Variants in MTAP observed in about 807,000 individuals in gnomAD.
MTAP encodes methylthioadenosine phosphorylase.
Under a neutral mutation model 33.6 loss-of-function variants are expected in MTAP, and 33 were observed. The observed-to-expected ratio is 0.98, with a 90% CI of 0.74 to 1.31. MTAP has a LOEUF of 1.31. Ranked by LOEUF, MTAP falls within the 40% of genes most tolerant of loss-of-function variation. The probability of loss-of-function intolerance (pLI) is 0.00; values close to 1 mark genes in which losing one functional copy is unlikely to be tolerated. For missense variants in MTAP, 367 were observed against 360.0 expected, an observed-to-expected ratio of 1.02 and a Z score of -0.16; for synonymous variants, 148 against 125.7, an observed-to-expected ratio of 1.18 and a Z score of -1.19.
At chr9:21,899,647 T>C (rs1818356604) in intron 1 of MTAP, among the ~76,000 whole-genome samples, 1 of 150,154 alleles carries the variant, frequency 6.7e-6, no homozygotes. Context: ...CAGATGCTTA[T>C]AAAACCATCA....
intron 1 of MTAP, among the ~76,000 whole-genome samples, chr9:21,878,892 T>C (rs1416356824): frequency 2.0e-5 from 3 of 152,236 alleles, no homozygotes; most frequent in Admixed American, 6.5e-5. Context: ...TCTTGACTTA[T>C]ATTTTTATTG....
At chr9:21,815,322 A>G in intron 1 of MTAP, 111 bp from the exon 2 acceptor site, 2 of 652,186 alleles carry the variant, frequency 3.1e-6, no homozygotes, top group Non-Finnish European at 5.0e-6. Flanking sequence ...AAAAATAACT[A>G]GGGCTTGGCA....
rs2118256186 is a variant in MTAP at position 21,832,689 on chromosome 9, G to A, written c.348-5219G>A. ...TTCTTACGTTCTGTTCCATAACCTA[G>A]TTGTGTTATTAACTTCCCATCATAC... On this transcript the variant is annotated intron_variant, in intron 4 of 7. Coordinates refer to ENST00000644715, the MANE Select transcript of MTAP (RefSeq NM_002451.4). Among the ~76,000 whole-genome samples, 10 of 152,226 alleles carry A rather than the reference G, an allele frequency of 6.6e-5. 1 individual carries two copies. In the South Asian group the frequency reaches 2.1e-3, roughly 32 times the overall value.
At chr9:21,934,188 T>C (rs1034303437), downstream of MTAP, 3 of 152,224 alleles carry the variant, frequency 2.0e-5, no homozygotes, top group African/African-American at 7.2e-5. This position sits in a 1 kb window ranked among gnomAD's most constrained non-coding sequence, Gnocchi z 5.0. Flanking sequence ...TTGCCTTATT[T>C]GAACACAGTT....
intron 6 of MTAP, chr9:21,856,002 A>T (rs972245959): frequency 1.0e-4 from 20 of 198,114 alleles, no homozygotes; most frequent in African/African-American, 4.7e-4. Flanking sequence ...CAATTTGATC[A>T]AATCAGAATC....
chr9:21,849,776 G>A (rs907264390), intron 5 of MTAP, among the ~76,000 whole-genome samples: 10 of 152,230 alleles, frequency 6.6e-5, no homozygotes, highest in Admixed American at 6.5e-4. Flanking sequence ...TGGGTCTTGG[G>A]GAGAATGACA....
At chr9:21,882,236 G>T (rs1218199098) in intron 1 of MTAP, among the ~76,000 whole-genome samples, 2 of 151,792 alleles carry the variant, frequency 1.3e-5, no homozygotes, top group Non-Finnish European at 2.9e-5. Flanking sequence ...AACTGTAAAG[G>T]AAGGAAAACC....
chr9:21,883,207 A>T (rs1452272163), intron 1 of MTAP, among the ~76,000 whole-genome samples: 1 of 152,096 alleles, frequency 6.6e-6, no homozygotes, highest in Non-Finnish European at 1.5e-5. Flanking sequence ...AATCAATTAG[A>T]AAAGGGAGTA....
chr9:21,929,101 C>G (rs1272437237), intron 1 of MTAP, among the ~76,000 whole-genome samples: 1 of 151,996 alleles, frequency 6.6e-6, no homozygotes, highest in Non-Finnish European at 1.5e-5. Context: ...CTTCACTGCT[C>G]CAGTATCTAT....
At chr9:21,831,050 G>T (rs1824954052) in intron 4 of MTAP, among the ~76,000 whole-genome samples, 1 of 152,058 alleles carries the variant, frequency 6.6e-6, no homozygotes, top group Non-Finnish European at 1.5e-5. Flanking sequence ...CTGTACTTGT[G>T]GTACATGGGC....
chr9:21,930,982 A>G (rs375858089), intron 1 of MTAP: 4 of 752,430 alleles, frequency 5.3e-6, no homozygotes, highest in Non-Finnish European at 9.7e-6. Flanking sequence ...TAATAACCCA[A>G]TTTGTCTCCT....
chr9:21,862,273 C>CG lies in MTAP; in HGVS notation c.*259_*260insG. 1.3e-6 allele frequency: 1 copy of CG among 753,442 alleles called. No individual in the cohort carries two copies. 46.7% of individuals were successfully genotyped at this position (753,442 alleles called of 1,614,324 possible). Reference sequence around the variant, plus strand: ...TTACATTTTAAGGGGGAAAAAAAAACCCACCATTCTCTTCTCCCCCTATTA... The same window carrying CG: ...TTACATTTTAAGGGGGAAAAAAAAACGCCACCATTCTCTTCTCCCCCTATTA... On this transcript the variant is annotated 3_prime_UTR_variant, in exon 8 of 8. Transcript: ENST00000644715.
At chr9:21,835,664 G>T (rs567463425) in intron 4 of MTAP, among the ~76,000 whole-genome samples, 1 of 152,052 alleles carries the variant, frequency 6.6e-6, no homozygotes, top group Non-Finnish European at 1.5e-5. Context: ...AGGAGGACTG[G>T]TGCTATTAAA....
intron 5 of MTAP, among the ~76,000 whole-genome samples, chr9:21,840,276 C>G (rs114661275): frequency 6.6e-6 from 1 of 151,482 alleles, no homozygotes; most frequent in Non-Finnish European, 1.5e-5. Flanking sequence ...TCCACAAGGA[C>G]GGACAGAATA....
At chr9:21,826,522 TC>T (rs1824806782) in intron 4 of MTAP, among the ~76,000 whole-genome samples, 2 of 151,818 alleles carry the variant, frequency 1.3e-5, no homozygotes, top group South Asian at 4.2e-4. Flanking sequence ...CAAGGATCCT[TC>T]CTTCTGCATC....
At position 21,815,536 on chromosome 9, in the gene MTAP, T is replaced by C. The variant is rs1273456546; in HGVS notation, c.120+17T>C. Reference sequence around the variant, plus strand: ...TTTGGCAAGGTTAATATCCAACTTGTGGAGACATGTTTTTTAGTTTTTTCA... The same window carrying C: ...TTTGGCAAGGTTAATATCCAACTTGCGGAGACATGTTTTTTAGTTTTTTCA... On this transcript the variant is annotated intron_variant, in intron 2 of 7. Transcript: ENST00000644715. 1 of 1,505,138 alleles carries C rather than the reference T, an allele frequency of 6.6e-7. No individual in the cohort carries two copies. The highest frequency in any genetic ancestry group is 2.3e-5 in the East Asian group (1 of 44,316). The allele number at this position is 1,505,138 out of a possible 1,614,324, so 93.2% of individuals were successfully genotyped here. A position where few individuals can be genotyped will look rare whatever the true frequency, so the allele number is the denominator to read the frequency against.
chr9:21,920,393 T>G lies in MTAP; in HGVS notation c.148-10615T>G, dbSNP rs79673477. Among the ~76,000 whole-genome samples, 554 of 152,230 alleles carry G rather than the reference T, an allele frequency of 3.6e-3. 9 individuals are homozygous for G. In the East Asian group the frequency reaches 0.048, roughly 13 times the overall value. ...CACTGCGTGACGCTTTTTTAACATG[T>G]TTTTTTCCCTCAACCATAAACAATT... On this transcript the variant is annotated intron_variant, in intron 1 of 1. Transcript: ENST00000577563.
intron 1 of MTAP, among the ~76,000 whole-genome samples, chr9:21,897,523 T>G (rs11531660): frequency 0.23 from 35,659 of 152,166 alleles, 4,468 homozygotes; most frequent in Admixed American, 0.36. Flanking sequence ...GATAAGTAAC[T>G]TCAGCAAAGT....
intron 1 of MTAP, among the ~76,000 whole-genome samples, chr9:21,920,974 A>T (rs1818778486): frequency 6.6e-6 from 1 of 152,010 alleles, no homozygotes; most frequent in Non-Finnish European, 1.5e-5. Flanking sequence ...TTTTTGGAAG[A>T]GTTTGAGTTT....
Sources: allele counts gnomAD v4.1 joint callset (sites outside exome capture counted in the v4.1 genomes callset), GRCh38; gene constraint gnomAD v4.1.1; non-coding constraint Gnocchi (gnomAD v3.1); transcripts MANE v1.5; gene names NCBI Gene and HGNC (gene_info 2026-07-23, HGNC 2026-07-21).